The following ZNF491 variants were observed in gnomAD, a reference collection of about 807,000 sequenced individuals.
ZNF491 encodes zinc finger protein 491.
Under a neutral mutation model 34.7 loss-of-function variants are expected in ZNF491, and 22 were observed. The ratio of observed to expected loss-of-function variants is 0.63; its 90% CI spans 0.45 to 0.90. The LOEUF (loss-of-function observed/expected upper bound fraction) is 0.90, where lower values mean the gene tolerates loss of function less well. Ranked by LOEUF, ZNF491 falls within the 40% of genes least tolerant of loss-of-function variation. The pLI is 0.00. For missense variants in ZNF491, 559 were observed against 531.7 expected (o/e 1.05, Z -0.51); for synonymous variants, 148 against 174.3 (o/e 0.85, Z 1.19).
In ZNF491 at chr19:11,806,714, G is replaced by C. The variant is rs143721236; in HGVS notation, c.761G>C (p.Arg254Pro). 6.2e-7 allele frequency: 1 copy of C among 1,613,750 alleles called. No homozygotes were observed. The highest frequency in any genetic ancestry group is 1.7e-5 in the Admixed American group (1 of 59,924). The change falls in exon 3 of 3, where the codon CGC (arginine) becomes CCC (proline). Residue 254 changes from arginine (R) to proline (P), a missense_variant. Arg to Pro is a moderately radical substitution (Grantham distance 103). Transcript: ENST00000323169. The stretch of plus-strand genomic sequence containing the variant: ...AAACTATATGGGAAAGCATTATCTC[G>C]CCTTATAAGCTTTCGAAGACACATG... ...ECKLYGKALS[R>P]LISFRRHMRM...
intron 1 of ZNF491, among the ~76,000 whole-genome samples, chr19:11,799,738 A>C (rs1432921656): frequency 6.6e-6 from 1 of 152,022 alleles, no homozygotes; most frequent in Non-Finnish European, 1.5e-5. Flanking sequence ...ATTCGAGACC[A>C]TCCTGGCCAA....
chr19:11,805,913 A>G (rs769103200), intron 2 of ZNF491, 34 bp from the exon 3 acceptor site: 1 of 1,466,206 alleles, frequency 6.8e-7, no homozygotes, highest in African/African-American at 1.4e-5. Flanking sequence ...GCTTATAAAC[A>G]GACCCTTAAT....
In ZNF491 at chr19:11,798,930, C is replaced by T. The variant is rs541500650; in HGVS notation, c.-134+203C>T. Among the ~76,000 whole-genome samples, 23 of 152,324 alleles carry T rather than the reference C, an allele frequency of 1.5e-4. No individual in the cohort carries two copies. The highest frequency in any genetic ancestry group is 5.5e-4 in the African/African-American group (23 of 41,572). ...AGCTGGGACCCCGGGCGTCCTGTCCCGTCCCTACGCGGCGACTGCGGCCCC... is the reference window on the plus strand; with the variant it reads ...AGCTGGGACCCCGGGCGTCCTGTCCTGTCCCTACGCGGCGACTGCGGCCCC... On this transcript the variant is annotated intron_variant, in intron 1 of 2. Coordinates refer to ENST00000323169, the MANE Select transcript of ZNF491 (RefSeq NM_152356.4). The surrounding 1 kb of genome is among the most constrained non-coding windows in gnomAD (Gnocchi z 4.0).
At position 11,798,934 on chromosome 19, in the gene ZNF491, C is replaced by G. The variant is rs1975529567; in HGVS notation, c.-134+207C>G. On this transcript the variant is annotated intron_variant, in intron 1 of 2. Coordinates refer to ENST00000323169, the MANE Select transcript of ZNF491 (RefSeq NM_152356.4). This position sits in a 1 kb window ranked among gnomAD's most constrained non-coding sequence, Gnocchi z 4.0. ...GGGACCCCGGGCGTCCTGTCCCGTCCCTACGCGGCGACTGCGGCCCCGGCC... is the reference window on the plus strand; with the variant it reads ...GGGACCCCGGGCGTCCTGTCCCGTCGCTACGCGGCGACTGCGGCCCCGGCC... 6.6e-6 allele frequency among the ~76,000 whole-genome samples: 1 copy of G among 152,208 alleles called. No homozygotes were observed. The highest frequency in any genetic ancestry group is 1.5e-5 in the Non-Finnish European group (1 of 68,040).
chr19:11,805,182 G>A lies in ZNF491; in HGVS notation c.-8+515G>A, dbSNP rs1975595167. Reference sequence around the variant, plus strand: ...CCCAGGACTTTGGGAGGCCAAGGTGGGCGGATCACCTGAGGTCGGGAGTTC... The same window carrying A: ...CCCAGGACTTTGGGAGGCCAAGGTGAGCGGATCACCTGAGGTCGGGAGTTC... On this transcript the variant is annotated intron_variant, in intron 2 of 2. Coordinates refer to ENST00000323169, the MANE Select transcript of ZNF491 (RefSeq NM_152356.4). Among the ~76,000 whole-genome samples, 3 of 151,326 alleles carry A rather than the reference G, an allele frequency of 2.0e-5. No homozygotes were observed. In the South Asian group the frequency reaches 6.3e-4, roughly 32 times the overall value.
At chr19:11,800,943 G>A (rs1019965244) in intron 1 of ZNF491, among the ~76,000 whole-genome samples, 2 of 151,908 alleles carry the variant, frequency 1.3e-5, no homozygotes, top group Non-Finnish European at 2.9e-5. Context: ...AGACTAAGGC[G>A]GGAGGATCGC....
chr19:11,806,013 G>C lies in ZNF491; in HGVS notation c.60G>C (p.Gln20His), dbSNP rs370911780. ...EGSQCGETFT[Q>H]VPEDMLNKKT... Reference sequence around the variant, plus strand: ...GTCAGTGTGGAGAAACTTTCACCCAGGTTCCGGAAGACATGCTGAACAAGA... The same window carrying C: ...GTCAGTGTGGAGAAACTTTCACCCACGTTCCGGAAGACATGCTGAACAAGA... Residue 20 changes from glutamine (Q) to histidine (H), a missense_variant, in exon 3 of 3, where the codon CAG (glutamine) becomes CAC (histidine). Gln to His is a conservative substitution (Grantham distance 24). Coordinates refer to ENST00000323169, the MANE Select transcript of ZNF491 (RefSeq NM_152356.4). The C allele has an allele frequency of 5.0e-5, 80 of 1,612,500 alleles. No individual in the cohort carries two copies. The highest frequency in any genetic ancestry group is 6.5e-5 in the Non-Finnish European group (77 of 1,179,388).
In ZNF491 at chr19:11,806,769, A is replaced by G; in HGVS notation, c.816A>G (p.Lys272=). The G allele has an allele frequency of 6.2e-7, 1 of 1,613,014 alleles. No homozygotes were observed. The highest frequency in any genetic ancestry group is 8.5e-7 in the Non-Finnish European group (1 of 1,179,642). Residue 272 remains lysine, a synonymous_variant, in exon 3 of 3, where the codon AAA becomes AAG. Transcript: ENST00000323169. ...MRMHTGERPH[K]CKICGKAFYS... is the part of the protein sequence containing the mutation. ...TGCACACTGGAGAGAGGCCTCATAA[A>G]TGTAAGATATGTGGGAAAGCCTTTT...
rs776747059 is a variant in ZNF491 at position 11,806,921 on chromosome 19, G to T, written c.968G>T (p.Gly323Val). The T allele has an allele frequency of 6.2e-7, 1 of 1,613,004 alleles. No individual in the cohort carries two copies. The highest frequency in any genetic ancestry group is 1.3e-5 in the African/African-American group (1 of 74,820). Residue 323 changes from glycine to valine, a missense_variant, in exon 3 of 3, where the codon GGA becomes GTA. Gly to Val is a moderately radical substitution (Grantham distance 109). Coordinates refer to ENST00000323169, the MANE Select transcript of ZNF491 (RefSeq NM_152356.4). The part of the protein sequence containing the change: ...SFQYHERTHT[G>V]EKPDGCKQCG... ...CAATATCATGAAAGGACTCACACTGGAGAGAAACCCGATGGGTGTAAGCAA... is the reference window on the plus strand; with the variant it reads ...CAATATCATGAAAGGACTCACACTGTAGAGAAACCCGATGGGTGTAAGCAA...
Position 11,806,595 on chromosome 19 carries a change from G to A in ZNF491, c.642G>A (p.Pro214=), listed in dbSNP as rs376662017. Reference sequence around the variant, plus strand: ...AAAGGACACACACAGGAGAGAAGCCGTACAAATGTAAGGAATGTGGGAAAG... The same window carrying A: ...AAAGGACACACACAGGAGAGAAGCCATACAAATGTAAGGAATGTGGGAAAG... The part of the protein sequence containing the change: ...RHERTHTGEK[P]YKCKECGKAF... Residue 214 remains proline (P), a synonymous_variant, in exon 3 of 3, where the codon CCG becomes CCA. Transcript: ENST00000323169. 1.1e-4 allele frequency: 174 copies of A among 1,613,874 alleles called. No individual in the cohort carries two copies. The highest frequency in any genetic ancestry group is 1.3e-4 in the Non-Finnish European group (159 of 1,179,996).
rs1002775672 is a variant in ZNF491, at chr19:11,808,398, G to C, written c.*1131G>C. Among the ~76,000 whole-genome samples the C allele has an allele frequency of 6.6e-6, 1 of 151,512 alleles. No homozygotes were observed. The highest frequency in any genetic ancestry group is 6.6e-5 in the Admixed American group (1 of 15,180). On this transcript the variant is annotated 3_prime_UTR_variant, in exon 3 of 3. Transcript: ENST00000323169. ...CTCTGTCTCAAAAAAAAAAAAAAAG[G>C]TTTATTCACTGTTTTTCAGTTGTGT... is the stretch of plus-strand genomic sequence containing the variant.
At chr19:11,804,255 G>A (rs1975586243) in intron 1 of ZNF491, among the ~76,000 whole-genome samples, 1 of 146,016 alleles carries the variant, frequency 6.8e-6, no homozygotes, top group Admixed American at 6.8e-5. Context: ...CAGGTACCAT[G>A]TCCAGAGGGT....
chr19:11,805,613 C>T (rs1297974562), intron 2 of ZNF491, among the ~76,000 whole-genome samples: 1 of 151,984 alleles, frequency 6.6e-6, no homozygotes, highest in Non-Finnish European at 1.5e-5. Flanking sequence ...TTTGGGAGAC[C>T]AAGGCAAGAG....
At chr19:11,799,667 G>A (rs972347013) in intron 1 of ZNF491, among the ~76,000 whole-genome samples, 12 of 152,214 alleles carry the variant, frequency 7.9e-5, no homozygotes, top group Admixed American at 3.3e-4. Context: ...CGGGCGCGGT[G>A]GCTCACGTCT....
chr19:11,800,224 G>A (rs1005076827), intron 1 of ZNF491, among the ~76,000 whole-genome samples: 7 of 152,140 alleles, frequency 4.6e-5, no homozygotes, highest in Non-Finnish European at 1.0e-4. Flanking sequence ...AAAGGCCAAA[G>A]TCTACTCAAG....
chr19:11,801,542 C>G (rs1975559518), intron 1 of ZNF491, among the ~76,000 whole-genome samples: 1 of 152,174 alleles, frequency 6.6e-6, no homozygotes, highest in Non-Finnish European at 1.5e-5. Flanking sequence ...ATAGTCCCAG[C>G]TACTCAGGAG....
In ZNF491 at chr19:11,806,917, A is replaced by G; in HGVS notation, c.964A>G (p.Thr322Ala). Residue 322 changes from threonine (T) to alanine (A), a missense_variant, in exon 3 of 3, where the codon ACT (threonine) becomes GCT (alanine). By Grantham distance (58) the Thr-to-Ala change is moderately conservative. Coordinates refer to ENST00000323169, the MANE Select transcript of ZNF491 (RefSeq NM_152356.4). ...GTTTCAATATCATGAAAGGACTCAC[A>G]CTGGAGAGAAACCCGATGGGTGTAA... ...TSFQYHERTH[T>A]GEKPDGCKQC... 1.2e-6 allele frequency: 2 copies of G among 1,613,046 alleles called. No individual in the cohort carries two copies. Among genetic ancestry groups the G allele is most frequent in the Non-Finnish European group, 1.7e-6 (2 of 1,179,648 alleles).
At chr19:11,804,032 G>A (rs900402076) in intron 1 of ZNF491, among the ~76,000 whole-genome samples, 10 of 151,850 alleles carry the variant, frequency 6.6e-5, no homozygotes, top group African/African-American at 2.2e-4. Context: ...GTGAAACCCC[G>A]TCTCTACTAA....
At chr19:11,803,017 T>C (rs1272049595) in intron 1 of ZNF491, among the ~76,000 whole-genome samples, 1 of 151,526 alleles carries the variant, frequency 6.6e-6, no homozygotes, top group Non-Finnish European at 1.5e-5. Context: ...ACTCTCACTC[T>C]GTTGTCCAGG....
Sources: allele counts gnomAD v4.1 joint callset (sites outside exome capture counted in the v4.1 genomes callset), GRCh38; gene constraint gnomAD v4.1.1; non-coding constraint Gnocchi (gnomAD v3.1); transcripts MANE v1.5; gene names NCBI Gene and HGNC (gene_info 2026-07-23, HGNC 2026-07-21).